Variants in DPYSL2 observed in about 807,000 individuals in gnomAD.
DPYSL2 encodes dihydropyrimidinase like 2.
DPYSL2 carries 13 observed loss-of-function variants against 69.9 expected under a neutral mutation model. That is an observed-to-expected ratio of 0.19 (90% CI 0.12 to 0.30). The LOEUF is 0.30. DPYSL2 is among the 10% of genes least tolerant of loss of function. DPYSL2 has a pLI of 1.00. For synonymous variants in DPYSL2, 326 were observed against 359.1 expected, an observed-to-expected ratio of 0.91 and a Z score of 1.04; for missense variants, 587 against 918.9, an observed-to-expected ratio of 0.64 and a Z score of 4.67.
At position 26,654,252 on chromosome 8, in the gene DPYSL2, G is replaced by A. The variant is rs1234217613; in HGVS notation, c.1942+855G>A. Among the ~76,000 whole-genome samples the A allele has an allele frequency of 6.6e-6, 1 of 152,184 alleles. No homozygotes were observed. The highest frequency in any genetic ancestry group is 1.9e-4 in the East Asian group (1 of 5,204). ...AGAACTGTTAGTTGTATTTGCTTGG[G>A]TAATTTGTGTGATATCCCCTTGGTG... is the stretch of plus-strand genomic sequence containing the variant. On this transcript the variant is annotated intron_variant, in intron 13 of 13. Transcript: ENST00000521913. This position sits in a 1 kb window ranked among gnomAD's most constrained non-coding sequence, Gnocchi z 5.0.
intron 1 of DPYSL2, among the ~76,000 whole-genome samples, chr8:26,548,868 A>G (rs1800826157): frequency 6.6e-6 from 1 of 150,656 alleles, no homozygotes; most frequent in South Asian, 2.1e-4. Context: ...ACAGAGTGAG[A>G]CCTCATCTCA....
At chr8:26,543,345 C>T (rs1800714459) in intron 1 of DPYSL2, among the ~76,000 whole-genome samples, 1 of 152,234 alleles carries the variant, frequency 6.6e-6, no homozygotes, top group Admixed American at 6.5e-5. Context: ...TCCCTTCACA[C>T]TTCCTTCTGC....
chr8:26,566,605 G>A (rs746332417), intron 1 of DPYSL2, among the ~76,000 whole-genome samples: 3 of 152,148 alleles, frequency 2.0e-5, no homozygotes, highest in Non-Finnish European at 4.4e-5. Flanking sequence ...GGCTTGACAG[G>A]AGGGAAAGGA....
chr8:26,653,480 A>G lies in DPYSL2; in HGVS notation c.1942+83A>G. ...GAGGCTACAGTTGCATTTGGAAAGG[A>G]CACAGAAATAGAAGTGAATGATATT... is the stretch of plus-strand genomic sequence containing the variant. On this transcript the variant is annotated intron_variant, in intron 13 of 13. Coordinates refer to ENST00000521913, the MANE Select transcript of DPYSL2 (RefSeq NM_001197293.3). This position sits in a 1 kb window ranked among gnomAD's most constrained non-coding sequence, Gnocchi z 5.7. 7.1e-7 allele frequency: 1 copy of G among 1,404,052 alleles called. No individual in the cohort carries two copies. The highest frequency in any genetic ancestry group is 1.9e-4 in the Middle Eastern group (1 of 5,382). 87.0% of individuals were successfully genotyped at this position (1,404,052 alleles called of 1,614,324 possible).
chr8:26,551,180 T>C (rs1800868810), intron 1 of DPYSL2, among the ~76,000 whole-genome samples: 1 of 152,228 alleles, frequency 6.6e-6, no homozygotes, highest in Non-Finnish European at 1.5e-5. Flanking sequence ...TGAGAATAAT[T>C]GATCCTTTAC....
intron 1 of DPYSL2, among the ~76,000 whole-genome samples, chr8:26,570,188 A>C (rs528462124): frequency 6.6e-6 from 1 of 152,264 alleles, no homozygotes. Context: ...CACACTGAGC[A>C]TTTATCATTC....
intron 8 of DPYSL2, among the ~76,000 whole-genome samples, chr8:26,638,538 T>C (rs1476705925): frequency 6.6e-6 from 1 of 152,112 alleles, no homozygotes; most frequent in Non-Finnish European, 1.5e-5. Context: ...CATCCTGCCT[T>C]CCCTGAGAGA....
chr8:26,627,839 C>A lies in DPYSL2; in HGVS notation c.937-33C>A, dbSNP rs1472533258. On this transcript the variant is annotated intron_variant, in intron 6 of 13. Coordinates refer to ENST00000521913, the MANE Select transcript of DPYSL2 (RefSeq NM_001197293.3). This position sits in a 1 kb window ranked among gnomAD's most constrained non-coding sequence, Gnocchi z 6.9. ...ATCAGAGCTGTGCAAAATCCACTCTCCCTCACAGCCTGACTTTCTCTAAAC... is the reference window on the plus strand; with the variant it reads ...ATCAGAGCTGTGCAAAATCCACTCTACCTCACAGCCTGACTTTCTCTAAAC... 6.2e-7 allele frequency: 1 copy of A among 1,609,624 alleles called. No homozygotes were observed. Among genetic ancestry groups the A allele is most frequent in the South Asian group, 1.1e-5 (1 of 90,318 alleles).
At chr8:26,569,366 A>AAAC (rs1801201638) in intron 1 of DPYSL2, among the ~76,000 whole-genome samples, 1 of 61,026 alleles carries the variant, frequency 1.6e-5, no homozygotes, top group Admixed American at 1.9e-4. Context: ...AAAAAAAAAC[A>AAAC]AAAACAAAAA....
At chr8:26,578,549 C>G in intron 1 of DPYSL2, 2 of 1,387,788 alleles carry the variant, frequency 1.4e-6, no homozygotes, top group South Asian at 1.6e-5. Flanking sequence ...GCGCCAGACC[C>G]GGTCTATCTT....
intron 1 of DPYSL2, among the ~76,000 whole-genome samples, chr8:26,558,832 C>G (rs1455430544): frequency 6.6e-6 from 1 of 152,092 alleles, no homozygotes; most frequent in Non-Finnish European, 1.5e-5. Context: ...GTATCTTGCT[C>G]TTTGTATTTA....
intron 4 of DPYSL2, among the ~76,000 whole-genome samples, chr8:26,625,236 A>G (rs1802588001): frequency 6.6e-6 from 1 of 152,180 alleles, no homozygotes; most frequent in African/African-American, 2.4e-5. Context: ...AACATTTCTC[A>G]TATATGAGGG....
rs1197760314 is a variant in DPYSL2, at chr8:26,598,455, A to T, written c.628+14472A>T. On this transcript the variant is annotated intron_variant, in intron 3 of 13. Transcript: ENST00000521913. The surrounding 1 kb of genome is among the most constrained non-coding windows in gnomAD (Gnocchi z 4.2). ...TTCTTTTCCCTCCTGCTCTATGAAA[A>T]CGTATTTTCCATGTTAAAAAAGGAA... is the stretch of plus-strand genomic sequence containing the variant. Among the ~76,000 whole-genome samples the T allele has an allele frequency of 1.3e-5, 2 of 151,994 alleles. No homozygotes were observed. The highest frequency in any genetic ancestry group is 1.3e-4 in the Admixed American group (2 of 15,268).
At chr8:26,554,400 T>C (rs1800913160) in intron 1 of DPYSL2, among the ~76,000 whole-genome samples, 1 of 151,932 alleles carries the variant, frequency 6.6e-6, no homozygotes, top group African/African-American at 2.4e-5. Flanking sequence ...AAGTTCTTTA[T>C]AGATGCTGTG....
chr8:26,629,596 G>A (rs866101799), intron 7 of DPYSL2, among the ~76,000 whole-genome samples: 5 of 152,330 alleles, frequency 3.3e-5, no homozygotes, highest in South Asian at 4.1e-4. Flanking sequence ...GCACAGGCCC[G>A]AGGATGAGGG....
intron 1 of DPYSL2, among the ~76,000 whole-genome samples, chr8:26,556,153 A>AG (rs371693640): frequency 0.38 from 6,073 of 15,890 alleles, 2,234 homozygotes; most frequent in East Asian, 0.84. Context: ...AGTATATACT[A>AG]TATATAGTAT....
chr8:26,583,092 C>T (rs1801524360), intron 2 of DPYSL2, among the ~76,000 whole-genome samples: 1 of 152,154 alleles, frequency 6.6e-6, no homozygotes, highest in African/African-American at 2.4e-5. Context: ...TGTTTTTACT[C>T]ATCACTGATT....
In DPYSL2 at chr8:26,605,774, A is replaced by T. The variant is rs1176016560; in HGVS notation, c.629-18369A>T. 6.6e-6 allele frequency among the ~76,000 whole-genome samples: 1 copy of T among 152,198 alleles called. No individual in the cohort carries two copies. Among genetic ancestry groups the T allele is most frequent in the South Asian group, 2.1e-4 (1 of 4,830 alleles). Reference sequence around the variant, plus strand: ...TAAAATTACTAGGAATTATAAGAATACATTCTTATATATGGAATCCAAGAA... The same window carrying T: ...TAAAATTACTAGGAATTATAAGAATTCATTCTTATATATGGAATCCAAGAA... On this transcript the variant is annotated intron_variant, in intron 3 of 13. Transcript: ENST00000521913. This position sits in a 1 kb window ranked among gnomAD's most constrained non-coding sequence, Gnocchi z 4.1.
Position 26,516,913 on chromosome 8 carries a change from A to T in DPYSL2, c.354+2234A>T, listed in dbSNP as rs977398739. Among the ~76,000 whole-genome samples, 4 of 152,186 alleles carry T rather than the reference A, an allele frequency of 2.6e-5. No individual in the cohort carries two copies. The highest frequency in any genetic ancestry group is 2.6e-4 in the Admixed American group (4 of 15,284). ...AAAAGGGGAAAGGCTGTGGCTATACATGTGTTTATATTTATAACAATGTGA... is the reference window on the plus strand; with the variant it reads ...AAAAGGGGAAAGGCTGTGGCTATACTTGTGTTTATATTTATAACAATGTGA... On this transcript the variant is annotated intron_variant, in intron 1 of 13. Transcript: ENST00000521913. This position sits in a 1 kb window ranked among gnomAD's most constrained non-coding sequence, Gnocchi z 4.8.
Sources: allele counts gnomAD v4.1 joint callset (sites outside exome capture counted in the v4.1 genomes callset), GRCh38; gene constraint gnomAD v4.1.1; non-coding constraint Gnocchi (gnomAD v3.1); transcripts MANE v1.5; gene names NCBI Gene and HGNC (gene_info 2026-07-23, HGNC 2026-07-21).